The following AGBL1 variants were observed in gnomAD, a reference collection of about 807,000 sequenced individuals.
AGBL1 encodes the protein AGBL carboxypeptidase 1.
Under a neutral mutation model 118.9 loss-of-function variants are expected in AGBL1, and 130 were observed. The observed-to-expected ratio is 1.09, with a 90% CI of 0.95 to 1.26. The LOEUF is 1.26. Among genes scored for constraint, AGBL1 ranks in the 50% most tolerant of loss-of-function variants. The pLI, the probability that AGBL1 is intolerant of heterozygous loss-of-function variation, is 0.00. For synonymous variants in AGBL1, 555 were observed against 478.9 expected (o/e 1.16, Z -2.08); for missense variants, 1,584 against 1,298.1 (o/e 1.22, Z -3.38).
rs564308459 is a variant in AGBL1 at position 86,545,320 on chromosome 15, T to C, written c.2686-682T>C. Among the ~76,000 whole-genome samples, 87 of 152,288 alleles carry C rather than the reference T, an allele frequency of 5.7e-4. 1 individual carries two copies. Among genetic ancestry groups the C allele is most frequent in the African/African-American group, 2.0e-3 (83 of 41,564 alleles). On this transcript the variant is annotated intron_variant, in intron 19 of 22. Transcript: ENST00000614907. The stretch of plus-strand genomic sequence containing the variant: ...TTCCACATTGGAGCCTAGAGAAAAA[T>C]TAGAGTGATTGATTAGCTTCTGTTT...
At chr15:86,191,985 C>G (rs116919827) in intron 5 of AGBL1, among the ~76,000 whole-genome samples, 1 of 150,968 alleles carries the variant, frequency 6.6e-6, no homozygotes, top group Non-Finnish European at 1.5e-5. Context: ...CCTGTAGTAC[C>G]AGCTACTTAG....
At chr15:86,102,117 T>C (rs1896767506) in intron 1 of AGBL1, among the ~76,000 whole-genome samples, 1 of 151,924 alleles carries the variant, frequency 6.6e-6, no homozygotes. Context: ...CTCAGCTCAC[T>C]GCAACCTCCG....
rs2078704546 is a variant in AGBL1 at position 86,245,435 on chromosome 15, G to T, written c.527-2236G>T. On this transcript the variant is annotated intron_variant, in intron 6 of 22. Transcript: ENST00000614907. ...GAGAGAACGGAGCTACAAAATTTGG[G>T]CATTCTGACTGAGAGTCAGCAGGTT... 5.3e-5 allele frequency among the ~76,000 whole-genome samples: 8 copies of T among 152,286 alleles called. 1 individual carries two copies. In the Middle Eastern group the frequency reaches 0.027, roughly 518 times the overall value.
At chr15:86,466,557 TGGA>T (rs1180866087) in intron 18 of AGBL1, among the ~76,000 whole-genome samples, 3 of 152,338 alleles carry the variant, frequency 2.0e-5, no homozygotes, top group African/African-American at 7.2e-5. Context: ...TGTGATCCAT[TGGA>T]GGAGAAGAGG....
At chr15:86,375,432 C>T (rs1180404884) in intron 17 of AGBL1, among the ~76,000 whole-genome samples, 2 of 152,008 alleles carry the variant, frequency 1.3e-5, no homozygotes, top group African/African-American at 4.8e-5. Context: ...TCCAGTCACC[C>T]CCCCACCAGG....
chr15:86,381,696 G>A (rs563750811), intron 17 of AGBL1, among the ~76,000 whole-genome samples: 3 of 152,280 alleles, frequency 2.0e-5, no homozygotes, highest in Non-Finnish European at 4.4e-5. Flanking sequence ...GAAACACGAC[G>A]TAACCAGAAG....
chr15:86,427,929 T>C (rs564953439), intron 18 of AGBL1, among the ~76,000 whole-genome samples: 1 of 152,308 alleles, frequency 6.6e-6, no homozygotes, highest in East Asian at 1.9e-4. Flanking sequence ...TCCCTTTTCC[T>C]TTATTATTCT....
chr15:86,188,846 T>C (rs1022297951), intron 5 of AGBL1, among the ~76,000 whole-genome samples: 2 of 152,192 alleles, frequency 1.3e-5, no homozygotes, highest in African/African-American at 2.4e-5. Context: ...AAGAAATCTC[T>C]TGTAATTTGG....
intron 23 of AGBL1, among the ~76,000 whole-genome samples, chr15:86,959,241 A>G (rs1482078788): frequency 6.6e-6 from 1 of 152,162 alleles, no homozygotes; most frequent in Non-Finnish European, 1.5e-5. Flanking sequence ...GTGTTCATAA[A>G]AAAGGTATTC....
intron 22 of AGBL1, among the ~76,000 whole-genome samples, chr15:86,878,496 T>C (rs2079846135): frequency 3.3e-5 from 5 of 152,192 alleles, no homozygotes; most frequent in Admixed American, 3.3e-4. Flanking sequence ...TTCTTGTTCA[T>C]GGCCCAGTGC....
intron 22 of AGBL1, among the ~76,000 whole-genome samples, chr15:86,869,277 C>T (rs1281335426): frequency 6.6e-6 from 1 of 152,118 alleles, no homozygotes; most frequent in Non-Finnish European, 1.5e-5. Flanking sequence ...CGTGTCTTCC[C>T]AGTGGTCCAC....
At chr15:86,197,371 G>A (rs1442096119) in intron 5 of AGBL1, among the ~76,000 whole-genome samples, 1 of 152,228 alleles carries the variant, frequency 6.6e-6, no homozygotes, top group Non-Finnish European at 1.5e-5. Flanking sequence ...GTAGAAGTAA[G>A]GACATCAAAA....
chr15:86,106,331 T>C (rs1311470268), intron 1 of AGBL1, among the ~76,000 whole-genome samples: 1 of 152,202 alleles, frequency 6.6e-6, no homozygotes, highest in Non-Finnish European at 1.5e-5. Context: ...TCAAAGCAAT[T>C]TTCATGCATG....
intron 22 of AGBL1, among the ~76,000 whole-genome samples, chr15:86,884,276 G>A (rs2079938033): frequency 6.6e-6 from 1 of 152,210 alleles, no homozygotes; most frequent in African/African-American, 2.4e-5. Context: ...TGGGCAGGTA[G>A]TATACACAGG....
chr15:86,852,208 C>T (rs1255292348), intron 22 of AGBL1, among the ~76,000 whole-genome samples: 1 of 152,100 alleles, frequency 6.6e-6, no homozygotes, highest in Non-Finnish European at 1.5e-5. Flanking sequence ...ACCTTCTTCA[C>T]AAGGGGCAGG....
Position 86,913,723 on chromosome 15 carries a change from C to A in AGBL1, c.*6429C>A, listed in dbSNP as rs1204195580. On this transcript the variant is annotated 3_prime_UTR_variant, in exon 23 of 23. Transcript: ENST00000614907. The stretch of plus-strand genomic sequence containing the variant: ...TACAAAAAATAAAGAAAAAAAATAG[C>A]CAGGCGTGATGGTGCATGCCTGTAG... 2 of 152,110 alleles carry A rather than the reference C, an allele frequency of 1.3e-5. No individual in the cohort carries two copies. The highest frequency in any genetic ancestry group is 2.9e-5 in the Non-Finnish European group (2 of 68,074). The allele number at this position is 152,110 out of a possible 1,614,324, so 9.4% of individuals were successfully genotyped here.
At chr15:86,473,817 G>A (rs575161064) in intron 18 of AGBL1, among the ~76,000 whole-genome samples, 21 of 152,040 alleles carry the variant, frequency 1.4e-4, no homozygotes, top group South Asian at 4.2e-4. Flanking sequence ...TTATTAACTC[G>A]GTATTAATTC....
Position 86,473,279 on chromosome 15 carries a change from G to A in AGBL1, c.2556-49531G>A, listed in dbSNP as rs72757821. Among the ~76,000 whole-genome samples, 834 of 152,314 alleles carry A rather than the reference G, an allele frequency of 5.5e-3. 4 individuals are homozygous for A. Among genetic ancestry groups the A allele is most frequent in the Non-Finnish European group, 9.2e-3 (626 of 68,024 alleles). On this transcript the variant is annotated intron_variant, in intron 18 of 22. Coordinates refer to ENST00000614907, the MANE Select transcript of AGBL1 (RefSeq NM_001386094.1). ...GGAAGGACTGAATGTGATAGGAAGAGTGAGGCCCCCTCCCAGGGCCATTCT... is the reference window on the plus strand; with the variant it reads ...GGAAGGACTGAATGTGATAGGAAGAATGAGGCCCCCTCCCAGGGCCATTCT...
chr15:86,645,353 T>C (rs897109406), intron 21 of AGBL1, among the ~76,000 whole-genome samples: 1 of 152,218 alleles, frequency 6.6e-6, no homozygotes, highest in Non-Finnish European at 1.5e-5. Context: ...TTGGTGTCCA[T>C]TGTATTGTTC....
Sources: gnomAD v4.1 joint callset for allele counts (sites outside exome capture counted in the v4.1 genomes callset) on GRCh38, gnomAD v4.1.1 for gene constraint, MANE v1.5 for transcripts, NCBI Gene and HGNC (gene_info 2026-07-23, HGNC 2026-07-21) for gene names.